The following DEF8 variants were observed in gnomAD, a reference collection of about 807,000 sequenced individuals.
DEF8 encodes the protein DEF-8.
A neutral mutation model predicts 59.1 loss-of-function variants in DEF8; 38 were observed. The ratio of observed to expected loss-of-function variants is 0.64; its 90% CI spans 0.50 to 0.84. The LOEUF (loss-of-function observed/expected upper bound fraction) is 0.84, where lower values mean the gene tolerates loss of function less well. DEF8 is among the 40% of genes least tolerant of loss of function. The probability of loss-of-function intolerance (pLI) is 0.00; values close to 1 mark genes in which losing one functional copy is unlikely to be tolerated. For synonymous variants in DEF8, 265 were observed against 250.1 expected (o/e 1.06, Z -0.56); for missense variants, 557 against 615.2 (o/e 0.91, Z 1.00).
intron 6 of DEF8, among the ~76,000 whole-genome samples, chr16:89,959,802 C>T (rs994237392): frequency 6.6e-6 from 1 of 152,270 alleles, no homozygotes; most frequent in African/African-American, 2.4e-5. Flanking sequence ...CAGCCGGCGT[C>T]ACGTGACTTT....
chr16:89,961,754 G>A lies in DEF8; in HGVS notation c.697G>A (p.Ala233Thr). The part of the protein sequence containing the change: ...PISLRGVPSE[A>T]RQCDYTGQYY... ...CCCTGCAGGGGGTGTGCCCAGTGAG[G>A]CCAGGCAGTGCGACTACACCGGCCA... Residue 233 changes from alanine (A) to threonine (T), a missense_variant, in exon 8 of 13, where the codon GCC becomes ACC. Physicochemically the swap from Ala to Thr is moderately conservative, Grantham distance 58 (BLOSUM62 0). Coordinates refer to ENST00000563594, the MANE Select transcript of DEF8 (RefSeq NM_001242818.2). 1.2e-6 allele frequency: 2 copies of A among 1,613,456 alleles called. No homozygotes were observed. Among genetic ancestry groups the A allele is most frequent in the Middle Eastern group, 1.7e-4 (1 of 6,052 alleles).
intron 2 of DEF8, among the ~76,000 whole-genome samples, chr16:89,951,258 T>C (rs2032008039): frequency 6.6e-6 from 1 of 151,980 alleles, no homozygotes; most frequent in South Asian, 2.1e-4. Flanking sequence ...TCAGAATCTT[T>C]TCTTTTTTTT....
At chr16:89,950,936 G>T (rs889542381) in intron 2 of DEF8, among the ~76,000 whole-genome samples, 12 of 152,222 alleles carry the variant, frequency 7.9e-5, no homozygotes, top group African/African-American at 1.9e-4. Context: ...AGCTGTGATC[G>T]CACCACTGCA....
chr16:89,965,514 G>A (rs1471908480), intron 12 of DEF8, among the ~76,000 whole-genome samples: 1 of 152,194 alleles, frequency 6.6e-6, no homozygotes, highest in Non-Finnish European at 1.5e-5. Context: ...AGGGTGCCGT[G>A]ATGTACAGTT....
chr16:89,963,999 A>C (rs1432018837), intron 10 of DEF8, 171 bp from the exon 11 acceptor site: 2 of 880,352 alleles, frequency 2.3e-6, no homozygotes, highest in Non-Finnish European at 3.7e-6. Context: ...GCCCGGGTCC[A>C]TCTTCCCCTG....
At chr16:89,963,589 A>C in intron 10 of DEF8, 146 bp downstream of exon 10, 2 of 631,176 alleles carry the variant, frequency 3.2e-6, no homozygotes, top group South Asian at 3.9e-5. Flanking sequence ...AACAAAGCAA[A>C]CAGGTGTTCT....
chr16:89,951,688 TC>T (rs1363691094), intron 2 of DEF8, among the ~76,000 whole-genome samples: 10 of 152,260 alleles, frequency 6.6e-5, no homozygotes, highest in African/African-American at 2.4e-4. Context: ...CACGTCACTC[TC>T]CCCAGTGTGG....
chr16:89,967,443 C>T lies in DEF8; in HGVS notation c.*1480C>T, dbSNP rs1030368804. The stretch of plus-strand genomic sequence containing the variant: ...CACTCCCCACTGTGGTGGCTTTAGG[C>T]AAGGTTCTTATTGTCTGCTCTGCCT... On this transcript the variant is annotated 3_prime_UTR_variant, in exon 13 of 13. Transcript: ENST00000563594. 24 of 398,518 alleles carry T rather than the reference C, an allele frequency of 6.0e-5. No homozygotes were observed. Among genetic ancestry groups the T allele is most frequent in the Non-Finnish European group, 9.7e-5 (22 of 226,092 alleles). The allele number at this position is 398,518 out of a possible 1,614,324, so 24.7% of individuals were successfully genotyped here. A position where few individuals can be genotyped will look rare whatever the true frequency, so the allele number is the denominator to read the frequency against.
intron 12 of DEF8, 39 bp from the exon 13 acceptor site, chr16:89,965,822 T>A (rs546980636): frequency 7.0e-6 from 10 of 1,424,468 alleles, no homozygotes; most frequent in Non-Finnish European, 8.8e-6. Flanking sequence ...AGTGCTGGAG[T>A]TTCCTGTGCA....
At chr16:89,949,659 C>G (rs571215595) in intron 2 of DEF8, 146 bp downstream of exon 2, 1 of 1,594,352 alleles carries the variant, frequency 6.3e-7, no homozygotes, top group South Asian at 1.1e-5. Context: ...CCCGCGTGTC[C>G]TGAGCTTCGG....
At position 89,957,031 on chromosome 16, in the gene DEF8, C is replaced by T. The variant is rs57000931; in HGVS notation, c.223-480C>T. ...TTCTGAGTCTGGGGCCTTGCTGGGC[C>T]GTGAGCCCCCTGGTCGCTATGTGGC... is the stretch of plus-strand genomic sequence containing the variant. On this transcript the variant is annotated intron_variant, in intron 4 of 12. Coordinates refer to ENST00000563594, the MANE Select transcript of DEF8 (RefSeq NM_001242818.2). The T allele has an allele frequency of 3.3e-3, 506 of 155,000 alleles. 1 individual carries two copies. Among genetic ancestry groups the T allele is most frequent in the African/African-American group, 0.012 (485 of 41,582 alleles). The allele number at this position is 155,000 out of a possible 1,614,324, so 9.6% of individuals were successfully genotyped here.
intron 4 of DEF8, 104 bp from the exon 5 acceptor site, chr16:89,957,407 T>C: frequency 7.9e-7 from 1 of 1,266,826 alleles, no homozygotes; most frequent in Non-Finnish European, 1.1e-6. Flanking sequence ...CTTCTCTGGG[T>C]GAGGGGTGTC....
chr16:89,950,184 G>A (rs548028187), intron 2 of DEF8: 28 of 986,524 alleles, frequency 2.8e-5, no homozygotes, highest in Admixed American at 1.8e-4. Flanking sequence ...GGTTTCCAGC[G>A]GCTTCCCCAG....
intron 2 of DEF8, among the ~76,000 whole-genome samples, chr16:89,950,487 C>A (rs1370362537): frequency 2.0e-5 from 3 of 151,514 alleles, no homozygotes; most frequent in African/African-American, 4.9e-5. Context: ...CTCCCGTGTT[C>A]AAGTGATTCT....
intron 7 of DEF8, among the ~76,000 whole-genome samples, chr16:89,961,389 G>C (rs1470177506): frequency 6.6e-6 from 1 of 152,230 alleles, no homozygotes; most frequent in Non-Finnish European, 1.5e-5. Context: ...GGACTAGGGA[G>C]AAGTCACACA....
At chr16:89,963,750 T>A (rs2151216489) in intron 10 of DEF8, 1 of 509,660 alleles carries the variant, frequency 2.0e-6, no homozygotes, top group East Asian at 3.4e-5. Flanking sequence ...GCTCAACAGA[T>A]ACAGATGTTC....
chr16:89,957,466 C>A (rs1033636042), intron 4 of DEF8, 45 bp from the exon 5 acceptor site: 2 of 1,542,570 alleles, frequency 1.3e-6, no homozygotes, highest in East Asian at 2.4e-5. Context: ...ACAGGGAGCT[C>A]CTGCAGGATG....
intron 6 of DEF8, 96 bp downstream of exon 6, chr16:89,959,251 G>A (rs746188271): frequency 6.3e-7 from 1 of 1,576,414 alleles, no homozygotes; most frequent in Non-Finnish European, 8.6e-7. Flanking sequence ...CCAGTGTGGT[G>A]GCCACTAGCC....
At position 89,957,491 on chromosome 16, in the gene DEF8, C is replaced by T; in HGVS notation, c.223-20C>T. 1 of 1,566,220 alleles carries T rather than the reference C, an allele frequency of 6.4e-7. No individual in the cohort carries two copies. The highest frequency in any genetic ancestry group is 8.7e-7 in the Non-Finnish European group (1 of 1,155,654). ...CCTGCAGGATGGGCCTTTGACTGCC[C>T]CCGCCCCCAACCTGGGCAGGGTCTG... On this transcript the variant is annotated intron_variant, in intron 4 of 12. Coordinates refer to ENST00000563594, the MANE Select transcript of DEF8 (RefSeq NM_001242818.2).
Sources: gnomAD v4.1 joint callset for allele counts (sites outside exome capture counted in the v4.1 genomes callset) on GRCh38, gnomAD v4.1.1 for gene constraint, MANE v1.5 for transcripts, NCBI Gene and HGNC (gene_info 2026-07-23, HGNC 2026-07-21) for gene names.